Variants in RBFOX1 observed in about 807,000 individuals in gnomAD.
RBFOX1 encodes the protein RNA binding fox-1 homolog 1, also known as RNA binding protein fox-1 homolog 1.
In RBFOX1, 8 loss-of-function variants were observed where a neutral mutation model predicts 57.7. The ratio of observed to expected loss-of-function variants is 0.14; its 90% CI spans 0.08 to 0.25. The LOEUF (loss-of-function observed/expected upper bound fraction) is 0.25. Among genes scored for constraint, RBFOX1 ranks in the 10% least tolerant of loss-of-function variants. The probability of loss-of-function intolerance (pLI) is 1.00; values close to 1 mark genes in which losing one functional copy is unlikely to be tolerated. For synonymous variants in RBFOX1, 326 were observed against 222.4 expected (o/e 1.47, Z -4.15); for missense variants, 611 against 548.5 (o/e 1.11, Z -1.14).
intron 4 of RBFOX1, among the ~76,000 whole-genome samples, chr16:7,370,668 A>T (rs373227182): frequency 6.6e-6 from 1 of 152,138 alleles, no homozygotes; most frequent in Non-Finnish European, 1.5e-5. Flanking sequence ...CTATGATCTG[A>T]TTATCTTGCT....
chr16:6,313,769 A>C (rs2080702584), intron 1 of RBFOX1, among the ~76,000 whole-genome samples: 1 of 152,028 alleles, frequency 6.6e-6, no homozygotes, highest in South Asian at 2.1e-4. Flanking sequence ...CTCCCTGGTC[A>C]CAAATTGCTC....
intron 2 of RBFOX1, among the ~76,000 whole-genome samples, chr16:6,343,670 G>C (rs1273476740): frequency 6.6e-6 from 1 of 152,060 alleles, no homozygotes; most frequent in Non-Finnish European, 1.5e-5. Flanking sequence ...AGTGTTTTTT[G>C]AATTGCTAGC....
intron 2 of RBFOX1, among the ~76,000 whole-genome samples, chr16:5,476,036 C>T (rs912369494): frequency 1.3e-5 from 2 of 152,078 alleles, no homozygotes; most frequent in African/African-American, 4.8e-5. Flanking sequence ...AGCAGCTCAT[C>T]CAGGCTCCTC....
intron 2 of RBFOX1, among the ~76,000 whole-genome samples, chr16:6,598,217 C>T (rs1374818033): frequency 6.6e-6 from 1 of 152,206 alleles, no homozygotes; most frequent in Non-Finnish European, 1.5e-5. Context: ...TGTGATCAGA[C>T]ACTATATAGT....
At chr16:7,103,742 G>C (rs9673865) in intron 4 of RBFOX1, among the ~76,000 whole-genome samples, 4,340 of 152,186 alleles carry the variant, frequency 0.029, 227 homozygotes, top group African/African-American at 0.097. Flanking sequence ...CAACAAGTCT[G>C]GTGGTATCAG....
chr16:7,217,419 A>T (rs2092291365), intron 4 of RBFOX1, among the ~76,000 whole-genome samples: 1 of 149,014 alleles, frequency 6.7e-6, no homozygotes, highest in African/African-American at 2.5e-5. Context: ...ATGAACCACC[A>T]CGTCCAGCCA....
chr16:7,478,194 AG>A (rs2063136926), intron 4 of RBFOX1, among the ~76,000 whole-genome samples: 1 of 152,228 alleles, frequency 6.6e-6, no homozygotes, highest in Non-Finnish European at 1.5e-5. Context: ...CTTCACCCAG[AG>A]TATATAGAAA....
At chr16:6,717,485 C>G (rs779151325) in intron 3 of RBFOX1, among the ~76,000 whole-genome samples, 1 of 152,114 alleles carries the variant, frequency 6.6e-6, no homozygotes, top group Non-Finnish European at 1.5e-5. Context: ...CTCAAAAACT[C>G]CAAACTTGGA....
chr16:5,508,525 G>C (rs1319340943), intron 2 of RBFOX1, among the ~76,000 whole-genome samples: 6 of 152,228 alleles, frequency 3.9e-5, no homozygotes, highest in Non-Finnish European at 8.8e-5. Context: ...GGTCGGGTGG[G>C]AGATTGCACA....
chr16:5,251,368 T>A (rs1596307318), intron 1 of RBFOX1, among the ~76,000 whole-genome samples: 1 of 152,392 alleles, frequency 6.6e-6, no homozygotes, highest in African/African-American at 2.4e-5. Context: ...GGCGCCGGCC[T>A]TGTGCGCAGT....
At chr16:6,369,107 T>C (rs1404162830) in intron 2 of RBFOX1, among the ~76,000 whole-genome samples, 2 of 152,336 alleles carry the variant, frequency 1.3e-5, no homozygotes, top group Non-Finnish European at 1.5e-5. Context: ...TGTGTGTATA[T>C]GTATATATGT....
chr16:7,084,335 G>A (rs763055823), intron 4 of RBFOX1, among the ~76,000 whole-genome samples: 1 of 152,010 alleles, frequency 6.6e-6, no homozygotes, highest in Non-Finnish European at 1.5e-5. Flanking sequence ...GAGTAGTGGA[G>A]GAGGGAAGAA....
intron 4 of RBFOX1, among the ~76,000 whole-genome samples, chr16:7,279,178 C>A (rs2095496709): frequency 6.7e-6 from 1 of 150,236 alleles, no homozygotes; most frequent in African/African-American, 2.5e-5. Flanking sequence ...GGACCCCATG[C>A]TGAGTGCCTA....
intron 2 of RBFOX1, among the ~76,000 whole-genome samples, chr16:5,505,973 C>T (rs756900488): frequency 6.6e-6 from 1 of 152,098 alleles, no homozygotes; most frequent in Non-Finnish European, 1.5e-5. Context: ...CCCGCATTGA[C>T]CCAGATTGTG....
chr16:5,648,411 G>C (rs1450720335), intron 3 of RBFOX1, among the ~76,000 whole-genome samples: 1 of 152,206 alleles, frequency 6.6e-6, no homozygotes, highest in Non-Finnish European at 1.5e-5. Flanking sequence ...TGCCAGAAGA[G>C]GGGACACTGG....
chr16:6,419,379 T>C (rs553114975), intron 2 of RBFOX1, among the ~76,000 whole-genome samples: 27 of 152,286 alleles, frequency 1.8e-4, no homozygotes, highest in African/African-American at 6.3e-4. Flanking sequence ...GTGTATGGCT[T>C]GGTTTGTTCA....
intron 1 of RBFOX1, among the ~76,000 whole-genome samples, chr16:6,077,689 CTTATTTAT>C (rs71142676): frequency 6.7e-6 from 1 of 150,338 alleles, no homozygotes; most frequent in Admixed American, 6.6e-5. Flanking sequence ...TTTATTTTTA[CTTATTTAT>C]TTATTTATTT....
intron 3 of RBFOX1, among the ~76,000 whole-genome samples, chr16:6,662,174 C>T (rs1164961446): frequency 1.3e-5 from 2 of 151,994 alleles, no homozygotes; most frequent in East Asian, 1.9e-4. Flanking sequence ...AGGATACAAA[C>T]CCTCATCATC....
At chr16:6,498,354 A>G (rs988786854) in intron 2 of RBFOX1, among the ~76,000 whole-genome samples, 1 of 152,168 alleles carries the variant, frequency 6.6e-6, no homozygotes, top group Non-Finnish European at 1.5e-5. Flanking sequence ...GCAGAAATAT[A>G]TATTGACAGA....
Sources: gnomAD v4.1 joint callset for allele counts (sites outside exome capture counted in the v4.1 genomes callset) on GRCh38, gnomAD v4.1.1 for gene constraint, MANE v1.5 for transcripts, NCBI Gene and HGNC (gene_info 2026-07-23, HGNC 2026-07-21) for gene names.